Variants in ANO4 observed in about 807,000 individuals in gnomAD.
The protein encoded by ANO4 is anoctamin-4.
Under a neutral mutation model 141.9 loss-of-function variants are expected in ANO4, and 69 were observed. The ratio of observed to expected loss-of-function variants is 0.49; its 90% CI spans 0.40 to 0.59. ANO4 has a LOEUF of 0.59. Ranked by LOEUF, ANO4 falls within the 20% of genes least tolerant of loss-of-function variation. The pLI is 0.00. For synonymous variants in ANO4, 350 were observed against 394.3 expected (o/e 0.89, Z 1.33); for missense variants, 894 against 1,162.2 (o/e 0.77, Z 3.36).
intron 1 of ANO4, among the ~76,000 whole-genome samples, chr12:100,868,854 C>G (rs1275935981): frequency 6.6e-6 from 1 of 152,228 alleles, no homozygotes; most frequent in African/African-American, 2.4e-5. Flanking sequence ...CAAAATTCAA[C>G]AGGTATTCTT....
chr12:101,059,814 T>C (rs2048274612), intron 14 of ANO4, among the ~76,000 whole-genome samples: 1 of 152,132 alleles, frequency 6.6e-6, no homozygotes, highest in African/African-American at 2.4e-5. Context: ...TATTTTTTAA[T>C]CTTTTTTAAA....
intron 15 of ANO4, among the ~76,000 whole-genome samples, chr12:101,079,503 A>G (rs1337098096): frequency 1.3e-5 from 2 of 152,120 alleles, no homozygotes; most frequent in African/African-American, 4.8e-5. Flanking sequence ...GGAGAATTCC[A>G]CTTGTAGGTA....
intron 8 of ANO4, among the ~76,000 whole-genome samples, chr12:101,018,044 G>A (rs936705932): frequency 1.3e-5 from 2 of 152,184 alleles, no homozygotes; most frequent in African/African-American, 4.8e-5. Context: ...AGGGACATGG[G>A]CTTTTGGCCT....
At chr12:101,068,774 A>C (rs1188854153) in intron 14 of ANO4, 1 of 1,265,038 alleles carries the variant, frequency 7.9e-7, no homozygotes. Context: ...GCCTGCTTAC[A>C]TAGCCTGGCT....
chr12:101,020,402 C>T (rs576950769), intron 9 of ANO4, among the ~76,000 whole-genome samples: 1 of 152,276 alleles, frequency 6.6e-6, no homozygotes, highest in Admixed American at 6.5e-5. Context: ...AGGCACTGAA[C>T]TAGATGTTGG....
intron 3 of ANO4, among the ~76,000 whole-genome samples, chr12:100,927,751 C>G (rs1219737860): frequency 6.6e-6 from 1 of 152,072 alleles, no homozygotes; most frequent in Non-Finnish European, 1.5e-5. Flanking sequence ...GCCCACCCCT[C>G]TTGTTTTGCT....
intron 3 of ANO4, among the ~76,000 whole-genome samples, chr12:100,784,202 T>C: frequency 6.6e-6 from 1 of 152,210 alleles, no homozygotes; most frequent in Non-Finnish European, 1.5e-5. Flanking sequence ...TCTTACCTTC[T>C]GGCCATAATG....
chr12:100,826,845 A>G (rs1215694601), intron 1 of ANO4, among the ~76,000 whole-genome samples: 1 of 151,864 alleles, frequency 6.6e-6, no homozygotes, highest in Admixed American at 6.6e-5. Context: ...TCTTCTTATA[A>G]TCCTTGACTC....
At chr12:100,819,461 TC>T (rs2035916336) in intron 1 of ANO4, among the ~76,000 whole-genome samples, 1 of 151,996 alleles carries the variant, frequency 6.6e-6, no homozygotes, top group Non-Finnish European at 1.5e-5. Flanking sequence ...TATATGTATA[TC>T]CCTATGATTT....
intron 6 of ANO4, among the ~76,000 whole-genome samples, chr12:100,972,765 G>C (rs1430228938): frequency 6.6e-6 from 1 of 152,118 alleles, no homozygotes; most frequent in Non-Finnish European, 1.5e-5. Flanking sequence ...AATATGTCTA[G>C]ATAGAAATTT....
Position 101,034,617 on chromosome 12 carries a change from T to TAAA in ANO4, c.842-2477_842-2476insAAA, listed in dbSNP as rs5800452. On this transcript the variant is annotated intron_variant, in intron 9 of 27. Transcript: ENST00000392977. ...GTATCCCAAAACTTAAATACATAAA[T>TAAA]AGAATGATAAGAGAAGCCACACATT... 8.5e-3 allele frequency among the ~76,000 whole-genome samples: 1,299 copies of TAAA among 152,252 alleles called. 19 individuals carry two copies. The highest frequency in any genetic ancestry group is 0.03 in the African/African-American group (1,235 of 41,534).
chr12:100,918,209 C>T (rs550722640), intron 2 of ANO4, among the ~76,000 whole-genome samples: 30 of 152,052 alleles, frequency 2.0e-4, no homozygotes, highest in Non-Finnish European at 3.5e-4. Context: ...CACCTGTAGC[C>T]CTTGGCTACT....
intron 1 of ANO4, among the ~76,000 whole-genome samples, chr12:100,851,816 C>T (rs945788062): frequency 1.3e-5 from 2 of 151,944 alleles, no homozygotes; most frequent in Non-Finnish European, 2.9e-5. Context: ...GGGAGGGAGA[C>T]AAGCCAACGT....
rs564014429 is a variant in ANO4, at chr12:101,120,920, A to G, written c.2676+295A>G. On this transcript the variant is annotated intron_variant, in intron 26 of 27. Transcript: ENST00000392977. ...ACTTTAGCAAAAATGCAGTTTTTCC[A>G]TCCTCACTCCCAGATATTCTGACAT... Among the ~76,000 whole-genome samples, 7 of 152,278 alleles carry G rather than the reference A, an allele frequency of 4.6e-5. No homozygotes were observed. In the East Asian group the frequency reaches 1.2e-3, roughly 25 times the overall value.
chr12:100,892,125 A>G (rs2040135770), intron 1 of ANO4, among the ~76,000 whole-genome samples: 1 of 152,162 alleles, frequency 6.6e-6, no homozygotes, highest in Admixed American at 6.5e-5. Context: ...GAATATATCC[A>G]CCACACATTT....
chr12:100,733,802 C>G, exon 2 of ANO4: 1 of 702,228 alleles, frequency 1.4e-6, no homozygotes, highest in South Asian at 1.5e-5. Context: ...GAAGTTATAA[C>G]CTTTCCTCTG....
At chr12:101,063,151 C>A (rs1035793309) in intron 14 of ANO4, among the ~76,000 whole-genome samples, 5 of 152,208 alleles carry the variant, frequency 3.3e-5, no homozygotes, top group African/African-American at 1.2e-4. Flanking sequence ...GTTCCCCGAC[C>A]CCTTGTGCTT....
intron 2 of ANO4, among the ~76,000 whole-genome samples, chr12:100,911,895 C>A (rs895124503): frequency 1.3e-5 from 2 of 152,094 alleles, no homozygotes; most frequent in Non-Finnish European, 1.5e-5. Flanking sequence ...TTTAGAATAA[C>A]GATCATAATA....
chr12:100,960,731 C>T (rs2043383028), intron 5 of ANO4, among the ~76,000 whole-genome samples: 1 of 152,172 alleles, frequency 6.6e-6, no homozygotes, highest in Non-Finnish European at 1.5e-5. Context: ...TTAATCTCTG[C>T]AGCGTACTAA....
Sources: allele counts gnomAD v4.1 joint callset (sites outside exome capture counted in the v4.1 genomes callset), GRCh38; gene constraint gnomAD v4.1.1; transcripts MANE v1.5; gene names NCBI Gene and HGNC (gene_info 2026-07-23, HGNC 2026-07-21).